Variants in CSNK1A1 observed in about 807,000 individuals in gnomAD.
The protein encoded by CSNK1A1 is casein kinase 1 alpha 1.
A neutral mutation model predicts 46.1 loss-of-function variants in CSNK1A1; 7 were observed. That is an observed-to-expected ratio of 0.15 (90% CI 0.09 to 0.29). The LOEUF (loss-of-function observed/expected upper bound fraction) is 0.29, where lower values mean the gene tolerates loss of function less well. CSNK1A1 is among the 10% of genes least tolerant of loss of function. The pLI is 1.00. For synonymous variants in CSNK1A1, 137 were observed against 141.5 expected, an observed-to-expected ratio of 0.97 and a Z score of 0.23; for missense variants, 96 against 417.1, an observed-to-expected ratio of 0.23 and a Z score of 6.71.
intron 2 of CSNK1A1, among the ~76,000 whole-genome samples, chr5:149,528,849 G>C (rs749542870): frequency 6.6e-6 from 1 of 152,168 alleles, no homozygotes; most frequent in African/African-American, 2.4e-5. Context: ...CAGAACCTGA[G>C]TCATGAACAA....
At chr5:149,533,010 C>T (rs62377967) in intron 2 of CSNK1A1, among the ~76,000 whole-genome samples, 1 of 152,170 alleles carries the variant, frequency 6.6e-6, no homozygotes, top group African/African-American at 2.4e-5. Context: ...TGTTTTCCCT[C>T]TTCTTGCTGC....
At chr5:149,527,531 A>G (rs1761759334) in intron 2 of CSNK1A1, among the ~76,000 whole-genome samples, 1 of 152,278 alleles carries the variant, frequency 6.6e-6, no homozygotes, top group East Asian at 1.9e-4. Context: ...CACCTTTCAC[A>G]TTCGCTGAAA....
intron 7 of CSNK1A1, among the ~76,000 whole-genome samples, chr5:149,507,708 C>G (rs190127446): frequency 6.6e-6 from 1 of 151,994 alleles, no homozygotes; most frequent in Non-Finnish European, 1.5e-5. Context: ...AAGAGATCTG[C>G]CCCCCTTGGC....
At chr5:149,535,207 C>T (rs556353069) in intron 2 of CSNK1A1, among the ~76,000 whole-genome samples, 1 of 152,304 alleles carries the variant, frequency 6.6e-6, no homozygotes, top group South Asian at 2.1e-4. Flanking sequence ...CCTGACTCTC[C>T]TCCTGCTTTA....
chr5:149,528,974 A>G (rs1178434100), intron 2 of CSNK1A1, among the ~76,000 whole-genome samples: 1 of 152,206 alleles, frequency 6.6e-6, no homozygotes. Context: ...TTACCTTTAG[A>G]CATTTTTAAG....
rs546470085 is a variant in CSNK1A1, at chr5:149,523,889, T to C, written c.357+1156A>G. Among the ~76,000 whole-genome samples the C allele has an allele frequency of 3.3e-5, 5 of 152,314 alleles. No homozygotes were observed. In the South Asian group the frequency reaches 1.0e-3, roughly 32 times the overall value. On this transcript the variant is annotated intron_variant, in intron 3 of 9. Transcript: ENST00000377843. ...ATTGTTAACTATAATTTCCCTACTATACTATGTAATACTAGAACTTATTCC... is the reference window on the plus strand; with the variant it reads ...ATTGTTAACTATAATTTCCCTACTACACTATGTAATACTAGAACTTATTCC...
At chr5:149,542,684 A>G (rs1561772842) in intron 2 of CSNK1A1, among the ~76,000 whole-genome samples, 2 of 17,286 alleles carry the variant, frequency 1.2e-4, no homozygotes, top group African/African-American at 2.5e-4. Context: ...ATATATATAT[A>G]TATATATATT....
At chr5:149,537,584 A>G (rs1004036216) in intron 2 of CSNK1A1, among the ~76,000 whole-genome samples, 2 of 151,732 alleles carry the variant, frequency 1.3e-5, no homozygotes, top group Non-Finnish European at 2.9e-5. Flanking sequence ...TAATTACATT[A>G]AAAACAAACA....
chr5:149,518,915 A>C (rs1761479388), intron 4 of CSNK1A1, among the ~76,000 whole-genome samples: 1 of 152,082 alleles, frequency 6.6e-6, no homozygotes, highest in African/African-American at 2.4e-5. Context: ...ATGGGTTTTT[A>C]GGGGGTAAGA....
chr5:149,537,491 C>T (rs1762094806), intron 2 of CSNK1A1, among the ~76,000 whole-genome samples: 1 of 152,112 alleles, frequency 6.6e-6, no homozygotes. Flanking sequence ...CTACCCTCAA[C>T]AGCTTGATAC....
chr5:149,547,855 GT>G (rs903343537), intron 2 of CSNK1A1, among the ~76,000 whole-genome samples: 28 of 143,436 alleles, frequency 2.0e-4, no homozygotes, highest in South Asian at 4.5e-4. Context: ...TTGGAACTTT[GT>G]TTTTTTTTTT....
intron 2 of CSNK1A1, among the ~76,000 whole-genome samples, chr5:149,546,755 C>G (rs897480401): frequency 6.6e-6 from 1 of 152,066 alleles, no homozygotes; most frequent in African/African-American, 2.4e-5. Context: ...AGTGACAATA[C>G]TTCTAAAACA....
intron 2 of CSNK1A1, chr5:149,549,445 C>T (rs1322598624): frequency 1.4e-6 from 1 of 702,204 alleles, no homozygotes; most frequent in Non-Finnish European, 2.6e-6. Flanking sequence ...CATCTCCTTC[C>T]TCGAACCTCC....
At chr5:149,538,622 A>T (rs924771561) in intron 2 of CSNK1A1, among the ~76,000 whole-genome samples, 7 of 152,108 alleles carry the variant, frequency 4.6e-5, no homozygotes, top group Non-Finnish European at 5.9e-5. Flanking sequence ...ACAAAACCAA[A>T]CTCAACCTAA....
chr5:149,548,291 G>GC (rs1188035425), intron 2 of CSNK1A1, among the ~76,000 whole-genome samples: 1 of 152,230 alleles, frequency 6.6e-6, no homozygotes, highest in Non-Finnish European at 1.5e-5. Flanking sequence ...AACAGGCTGG[G>GC]CCCGGTGGCT....
At chr5:149,545,462 GC>G (rs1762449143) in intron 2 of CSNK1A1, 1 of 539,122 alleles carries the variant, frequency 1.9e-6, no homozygotes, top group Non-Finnish European at 3.3e-6. Context: ...TGCAGCCTGG[GC>G]CTTGGTTGAT....
Position 149,496,773 on chromosome 5 carries a change from G to T in CSNK1A1, c.*80C>A. ...CACAACCACTGGCTAGTGTACATAT[G>T]AACTAAAATTTCTAGATTTGGGGAG... On this transcript the variant is annotated 3_prime_UTR_variant, in exon 10 of 10. Coordinates refer to ENST00000377843, the MANE Select transcript of CSNK1A1 (RefSeq NM_001892.6). The T allele has an allele frequency of 6.5e-7, 1 of 1,528,688 alleles. No individual in the cohort carries two copies. Among genetic ancestry groups the T allele is most frequent in the South Asian group, 1.3e-5 (1 of 79,004 alleles). The allele number at this position is 1,528,688 out of a possible 1,614,324, so 94.7% of individuals were successfully genotyped here.
intron 7 of CSNK1A1, among the ~76,000 whole-genome samples, chr5:149,507,511 A>AG (rs1448272482): frequency 6.6e-6 from 1 of 151,506 alleles, no homozygotes; most frequent in Non-Finnish European, 1.5e-5. Context: ...CCCAGGCTGG[A>AG]GTGCAGTAGT....
At chr5:149,549,040 T>C (rs538154817) in intron 2 of CSNK1A1, among the ~76,000 whole-genome samples, 38 of 152,336 alleles carry the variant, frequency 2.5e-4, no homozygotes, top group African/African-American at 8.7e-4. Context: ...AAGTTAACCA[T>C]TTGACAGAAC....
Sources: gnomAD v4.1 joint callset for allele counts (sites outside exome capture counted in the v4.1 genomes callset) on GRCh38, gnomAD v4.1.1 for gene constraint, MANE v1.5 for transcripts, NCBI Gene and HGNC (gene_info 2026-07-23, HGNC 2026-07-21) for gene names.